CNTNAP5: variants seen among roughly 807,000 people sequenced by gnomAD.
CNTNAP5 encodes the protein contactin-associated protein-like 5.
Under a neutral mutation model 150.2 loss-of-function variants are expected in CNTNAP5, and 72 were observed. The observed-to-expected ratio is 0.48, with a 90% CI of 0.40 to 0.58. CNTNAP5 has a LOEUF of 0.58. CNTNAP5 is among the 20% of genes least tolerant of loss of function. The pLI, the probability that CNTNAP5 is intolerant of heterozygous loss-of-function variation, is 0.00. For synonymous variants in CNTNAP5, 672 were observed against 619.8 expected, an observed-to-expected ratio of 1.08 and a Z score of -1.25; for missense variants, 1,636 against 1,626.2, an observed-to-expected ratio of 1.01 and a Z score of -0.10.
At position 124,210,587 on chromosome 2, in the gene CNTNAP5, G is replaced by A. The variant is rs150341511; in HGVS notation, c.83-11118G>A. Among the ~76,000 whole-genome samples, 6 of 152,026 alleles carry A rather than the reference G, an allele frequency of 3.9e-5. No homozygotes were observed. The East Asian group carries it at 1.2e-3, about 29-fold the overall frequency. ...TTTTACTATTCTAAATCCCCTGATT[G>A]GGTCTTGTTAGCACAGTCTCTTACC... is the stretch of plus-strand genomic sequence containing the variant. On this transcript the variant is annotated intron_variant, in intron 1 of 23. Coordinates refer to ENST00000682447, the MANE Select transcript of CNTNAP5 (RefSeq NM_001367498.1).
chr2:124,182,995 T>C (rs1368368632), intron 1 of CNTNAP5, among the ~76,000 whole-genome samples: 1 of 152,206 alleles, frequency 6.6e-6, no homozygotes, highest in African/African-American at 2.4e-5. Context: ...AGCAAGTAAA[T>C]AGCAAATAAA....
intron 3 of CNTNAP5, among the ~76,000 whole-genome samples, chr2:124,268,972 G>A (rs1367600478): frequency 6.6e-6 from 1 of 152,122 alleles, no homozygotes; most frequent in Non-Finnish European, 1.5e-5. Flanking sequence ...GGACCCCTAA[G>A]TGCTCGTGGC....
chr2:124,844,114 T>C (rs1682999047), intron 19 of CNTNAP5, among the ~76,000 whole-genome samples: 1 of 152,054 alleles, frequency 6.6e-6, no homozygotes, highest in Non-Finnish European at 1.5e-5. Flanking sequence ...TTTTTTTCAA[T>C]GTTATCTTCT....
intron 21 of CNTNAP5, among the ~76,000 whole-genome samples, chr2:124,884,413 A>T (rs1003389579): frequency 9.9e-5 from 15 of 151,962 alleles, no homozygotes; most frequent in Admixed American, 7.2e-4. Flanking sequence ...CTGAGTAGTC[A>T]CATTTCCCAA....
At chr2:124,843,209 CA>C (rs774620318) in intron 19 of CNTNAP5, among the ~76,000 whole-genome samples, 34 of 152,180 alleles carry the variant, frequency 2.2e-4, no homozygotes, top group South Asian at 4.1e-4. Context: ...CAATTCCATC[CA>C]GGCATTTAGG....
rs778251363 is a variant in CNTNAP5 at position 124,504,267 on chromosome 2, A to G, written c.1063-25A>G. On this transcript the variant is annotated intron_variant, in intron 7 of 23. Coordinates refer to ENST00000682447, the MANE Select transcript of CNTNAP5 (RefSeq NM_001367498.1). ...TTGCGGAATAAAAAATGGCTTTTAT[A>G]TGTTTGACTTTTATTGTTTTCCAGG... 3.7e-6 allele frequency: 6 copies of G among 1,602,292 alleles called. No homozygotes were observed. The Admixed American group carries it at 6.7e-5, about 18-fold the overall frequency.
rs770746290 is a variant in CNTNAP5 at position 124,226,178 on chromosome 2, A to T, written c.187+4369A>T. Among the ~76,000 whole-genome samples, 332 of 151,158 alleles carry T rather than the reference A, an allele frequency of 2.2e-3. 4 individuals carry two copies. Among genetic ancestry groups the T allele is most frequent in the Non-Finnish European group, 8.4e-4 (57 of 67,784 alleles). On this transcript the variant is annotated intron_variant, in intron 2 of 23. Coordinates refer to ENST00000682447, the MANE Select transcript of CNTNAP5 (RefSeq NM_001367498.1). ...ATGGTAGTTTCTTTTTTTTTTTTAG[A>T]AACCTCCATACCGTTTCTTATAACT...
chr2:124,210,974 G>C (rs987944713), intron 1 of CNTNAP5, among the ~76,000 whole-genome samples: 1 of 152,042 alleles, frequency 6.6e-6, no homozygotes, highest in Non-Finnish European at 1.5e-5. Flanking sequence ...TTCCCTTTAA[G>C]AGTCACCAGG....
intron 3 of CNTNAP5, among the ~76,000 whole-genome samples, chr2:124,268,554 A>T (rs2104609770): frequency 6.6e-6 from 1 of 152,328 alleles, no homozygotes; most frequent in South Asian, 2.1e-4. Flanking sequence ...GTTATAAATG[A>T]TGCTACCAAA....
intron 19 of CNTNAP5, among the ~76,000 whole-genome samples, chr2:124,853,650 C>T (rs868556383): frequency 3.3e-5 from 5 of 152,052 alleles, no homozygotes; most frequent in East Asian, 1.9e-4. Context: ...ATTACCTCCA[C>T]GCATTTTTTT....
intron 1 of CNTNAP5, among the ~76,000 whole-genome samples, chr2:124,117,283 T>G (rs918417081): frequency 1.3e-5 from 2 of 152,240 alleles, no homozygotes; most frequent in African/African-American, 2.4e-5. Flanking sequence ...CCATTTGATA[T>G]TATTCTATCA....
At chr2:124,064,731 A>G (rs1682109649) in intron 1 of CNTNAP5, among the ~76,000 whole-genome samples, 1 of 152,160 alleles carries the variant, frequency 6.6e-6, no homozygotes, top group Non-Finnish European at 1.5e-5. Flanking sequence ...CCCTCCCGTG[A>G]CTACCACTGG....
chr2:124,877,062 AT>A (rs1304047307), intron 21 of CNTNAP5, among the ~76,000 whole-genome samples: 1 of 151,928 alleles, frequency 6.6e-6, no homozygotes, highest in African/African-American at 2.4e-5. Context: ...AACAAGTTAC[AT>A]TTTTTCCCCA....
intron 1 of CNTNAP5, among the ~76,000 whole-genome samples, chr2:124,058,118 C>T (rs952197322): frequency 5.9e-5 from 9 of 151,992 alleles, no homozygotes; most frequent in African/African-American, 1.9e-4. Context: ...AGTGAATGAC[C>T]TACAGGGATT....
At chr2:124,394,359 G>A (rs1424919881) in intron 3 of CNTNAP5, among the ~76,000 whole-genome samples, 3 of 136,860 alleles carry the variant, frequency 2.2e-5, no homozygotes, top group African/African-American at 8.1e-5. Flanking sequence ...GTGACAGAGT[G>A]AGACTCTGTC....
At chr2:124,328,669 G>A (rs1573919218) in intron 3 of CNTNAP5, among the ~76,000 whole-genome samples, 1 of 152,192 alleles carries the variant, frequency 6.6e-6, no homozygotes, top group African/African-American at 2.4e-5. Context: ...GTCTCTGGGA[G>A]AATAAGTTTT....
intron 2 of CNTNAP5, among the ~76,000 whole-genome samples, chr2:124,224,919 G>C (rs1686418814): frequency 1.3e-5 from 2 of 152,088 alleles, no homozygotes; most frequent in Admixed American, 1.3e-4. Context: ...TGGCTTAGAA[G>C]CAATTATAAC....
At chr2:124,040,576 T>C (rs1681342039) in intron 1 of CNTNAP5, among the ~76,000 whole-genome samples, 1 of 149,826 alleles carries the variant, frequency 6.7e-6, no homozygotes, top group Non-Finnish European at 1.5e-5. Context: ...ATATAATATG[T>C]TCAATTCTGT....
chr2:124,322,436 T>C (rs1689123789), intron 3 of CNTNAP5, among the ~76,000 whole-genome samples: 1 of 152,092 alleles, frequency 6.6e-6, no homozygotes, highest in African/African-American at 2.4e-5. Context: ...CATCTGTAGA[T>C]ACTCAAGTTA....
Sources: allele counts gnomAD v4.1 joint callset (sites outside exome capture counted in the v4.1 genomes callset), GRCh38; gene constraint gnomAD v4.1.1; transcripts MANE v1.5; gene names NCBI Gene and HGNC (gene_info 2026-07-23, HGNC 2026-07-21).